Variants in RALGAPA2 observed in about 807,000 individuals in gnomAD.
The protein encoded by RALGAPA2 is ral GTPase-activating protein subunit alpha-2.
RALGAPA2 carries 139 observed loss-of-function variants against 230.4 expected under a neutral mutation model. The ratio of observed to expected loss-of-function variants is 0.60; its 90% CI spans 0.53 to 0.69. The LOEUF is 0.69. Ranked by LOEUF, RALGAPA2 falls within the 30% of genes least tolerant of loss-of-function variation. RALGAPA2 has a pLI of 0.00. For missense variants in RALGAPA2, 2,163 were observed against 2,276.0 expected (o/e 0.95, Z 1.01); for synonymous variants, 847 against 837.8 (o/e 1.01, Z -0.19).
intron 4 of RALGAPA2, among the ~76,000 whole-genome samples, chr20:20,649,190 G>C (rs1209381015): frequency 1.3e-5 from 2 of 152,166 alleles, no homozygotes; most frequent in Non-Finnish European, 2.9e-5. Context: ...TGGCTGTGAT[G>C]CACTTCTGAG....
At position 20,551,439 on chromosome 20, in the gene RALGAPA2, A is replaced by G. The variant is rs950771582; in HGVS notation, c.3157-4607T>C. 3.9e-5 allele frequency among the ~76,000 whole-genome samples: 6 copies of G among 152,238 alleles called. No individual in the cohort carries two copies. The East Asian group carries it at 1.2e-3, about 29-fold the overall frequency. On this transcript the variant is annotated intron_variant, in intron 23 of 39. Coordinates refer to ENST00000202677, the MANE Select transcript of RALGAPA2 (RefSeq NM_020343.4). ...CTAGTATTTTTCTCTTGCTCTGGTT[A>G]AAAGTCCAAGTGAATACTATACACT... is the stretch of plus-strand genomic sequence containing the variant.
intron 1 of RALGAPA2, among the ~76,000 whole-genome samples, chr20:20,684,261 A>G (rs1048417889): frequency 2.0e-5 from 3 of 152,094 alleles, no homozygotes; most frequent in Non-Finnish European, 4.4e-5. Flanking sequence ...GAATGCCATA[A>G]GCTGGCAAAC....
In RALGAPA2 at chr20:20,621,686, TACA is replaced by T. The variant is rs569129728; in HGVS notation, c.1234-1059_1234-1057del. Among the ~76,000 whole-genome samples the T allele has an allele frequency of 1.3e-3, 201 of 152,318 alleles. 1 individual carries two copies. Among genetic ancestry groups the T allele is most frequent in the African/African-American group, 4.6e-3 (191 of 41,578 alleles). ...TAAGGAATTCCCTTATACATCTCCA[TACA>T]ACAATTTTGATTTAATGTGAGAAGA... On this transcript the variant is annotated intron_variant, in intron 10 of 39. Coordinates refer to ENST00000202677, the MANE Select transcript of RALGAPA2 (RefSeq NM_020343.4).
intron 4 of RALGAPA2, among the ~76,000 whole-genome samples, chr20:20,643,816 A>C (rs185720800): frequency 9.5e-4 from 144 of 152,230 alleles, no homozygotes; most frequent in African/African-American, 3.3e-3. Flanking sequence ...TTATGCGCAT[A>C]TATCTCTTGT....
intron 37 of RALGAPA2, among the ~76,000 whole-genome samples, chr20:20,425,005 A>G (rs894327918): frequency 2.6e-5 from 4 of 152,216 alleles, no homozygotes; most frequent in Non-Finnish European, 5.9e-5. Flanking sequence ...TTTGAATTGA[A>G]TTATCCAATG....
Position 20,512,638 on chromosome 20 carries a change from A to T in RALGAPA2, c.4731T>A (p.Ser1577Arg). Residue 1577 changes from serine to arginine, a missense_variant, in exon 32 of 40, where the codon AGT becomes AGA. Transcript: ENST00000202677. ...QNAQEDEYIQ[S>R]HNFDSAMKVT... ...CTTTCATTGCAGAATCGAAGTTATGACTCTGGATATACTCATCCTCTTGAG... is the reference window on the plus strand; with the variant it reads ...CTTTCATTGCAGAATCGAAGTTATGTCTCTGGATATACTCATCCTCTTGAG... 6.2e-7 allele frequency: 1 copy of T among 1,613,634 alleles called. No homozygotes were observed. Among genetic ancestry groups the T allele is most frequent in the Non-Finnish European group, 8.5e-7 (1 of 1,179,822 alleles).
At position 20,640,694 on chromosome 20, in the gene RALGAPA2, A is replaced by T. The variant is rs2067001931; in HGVS notation, c.550+7T>A. 6.2e-7 allele frequency: 1 copy of T among 1,603,212 alleles called. No homozygotes were observed. The highest frequency in any genetic ancestry group is 1.7e-5 in the Admixed American group (1 of 58,334). ...TTCAACATGGGAGATCTGCTAACATAACTTACCATCAGCTACACTAGGGCT... is the reference window on the plus strand; with the variant it reads ...TTCAACATGGGAGATCTGCTAACATTACTTACCATCAGCTACACTAGGGCT... On this transcript the variant is annotated splice_region_variant and intron_variant, in intron 6 of 39. Coordinates refer to ENST00000202677, the MANE Select transcript of RALGAPA2 (RefSeq NM_020343.4).
chr20:20,536,782 C>T lies in RALGAPA2; in HGVS notation c.3288G>A (p.Ala1096=), dbSNP rs765456037. 9.3e-6 allele frequency: 15 copies of T among 1,610,670 alleles called. No individual in the cohort carries two copies. The highest frequency in any genetic ancestry group is 8.9e-5 in the East Asian group (4 of 44,774). The change falls in exon 25 of 40, where the codon GCG becomes GCA. Residue 1096 remains alanine, a splice_region_variant and synonymous_variant. Coordinates refer to ENST00000202677, the MANE Select transcript of RALGAPA2 (RefSeq NM_020343.4). Reference sequence around the variant, plus strand: ...GGACAGTGACAGCCTCTGAACGAGGCGCCTGCACATAAGGAAGAGGAGCAC... The same window carrying T: ...GGACAGTGACAGCCTCTGAACGAGGTGCCTGCACATAAGGAAGAGGAGCAC... ...ARVLSTDILT[A]PRSEAVTVLG...
At chr20:20,399,266 G>A (rs1315025168) in intron 38 of RALGAPA2, among the ~76,000 whole-genome samples, 1 of 147,642 alleles carries the variant, frequency 6.8e-6, no homozygotes, top group Non-Finnish European at 1.5e-5. Context: ...AGAATCGCTT[G>A]AACTGGGGAG....
At chr20:20,607,613 A>G (rs6035660) in intron 14 of RALGAPA2, among the ~76,000 whole-genome samples, 10,817 of 152,232 alleles carry the variant, frequency 0.071, 521 homozygotes, top group East Asian at 0.16. Context: ...AGATCAATAA[A>G]TATAATCTGA....
intron 37 of RALGAPA2, among the ~76,000 whole-genome samples, chr20:20,414,202 C>T (rs1002742549): frequency 6.6e-6 from 1 of 152,210 alleles, no homozygotes; most frequent in Non-Finnish European, 1.5e-5. Flanking sequence ...TTTGGACCGC[C>T]GTGGCCCGCT....
intron 37 of RALGAPA2, among the ~76,000 whole-genome samples, chr20:20,456,064 T>C (rs2061109987): frequency 1.3e-5 from 2 of 152,248 alleles, no homozygotes; most frequent in African/African-American, 4.8e-5. Flanking sequence ...ATTGCTTTCA[T>C]GACTTAACTC....
intron 36 of RALGAPA2, among the ~76,000 whole-genome samples, chr20:20,481,393 G>A (rs2061771366): frequency 6.6e-6 from 1 of 152,200 alleles, no homozygotes; most frequent in African/African-American, 2.4e-5. Flanking sequence ...CCAGCCTCCA[G>A]GATTGGAATA....
chr20:20,598,005 A>C (rs1396933132), intron 16 of RALGAPA2, among the ~76,000 whole-genome samples: 1 of 152,200 alleles, frequency 6.6e-6, no homozygotes, highest in African/African-American at 2.4e-5. Flanking sequence ...CAATATAGAG[A>C]AAGGTAAATC....
intron 1 of RALGAPA2, among the ~76,000 whole-genome samples, chr20:20,689,078 C>T (rs2068805312): frequency 6.6e-6 from 1 of 152,152 alleles, no homozygotes; most frequent in Admixed American, 6.5e-5. Context: ...TATATACCAT[C>T]TATTATATAA....
chr20:20,467,762 T>G (rs1361173959), intron 37 of RALGAPA2, among the ~76,000 whole-genome samples: 1 of 152,218 alleles, frequency 6.6e-6, no homozygotes, highest in Non-Finnish European at 1.5e-5. Context: ...GATGTGAGTA[T>G]TTTAACTATG....
intron 8 of RALGAPA2, among the ~76,000 whole-genome samples, chr20:20,636,580 G>A (rs1183603539): frequency 2.0e-5 from 3 of 151,978 alleles, no homozygotes; most frequent in Non-Finnish European, 1.5e-5. Context: ...GTGTGTGTGT[G>A]TGTACGCATA....
At chr20:20,698,954 A>G (rs2069232785) in intron 1 of RALGAPA2, among the ~76,000 whole-genome samples, 2 of 152,238 alleles carry the variant, frequency 1.3e-5, no homozygotes, top group Admixed American at 6.5e-5. Flanking sequence ...AAAAGACAAC[A>G]GCAAATTTGC....
chr20:20,608,462 A>G (rs1230810334), intron 14 of RALGAPA2, among the ~76,000 whole-genome samples: 2 of 152,176 alleles, frequency 1.3e-5, no homozygotes, highest in African/African-American at 4.8e-5. Context: ...CTTAAAGAAA[A>G]TTTGGTGGCC....
Sources: gnomAD v4.1 joint callset for allele counts (sites outside exome capture counted in the v4.1 genomes callset) on GRCh38, gnomAD v4.1.1 for gene constraint, MANE v1.5 for transcripts, NCBI Gene and HGNC (gene_info 2026-07-23, HGNC 2026-07-21) for gene names.